Variants in BRINP3 observed in about 807,000 individuals in gnomAD.
BRINP3 encodes the protein BMP/retinoic acid-inducible neural-specific protein 3.
Under a neutral mutation model 71.0 loss-of-function variants are expected in BRINP3, and 19 were observed. The observed-to-expected ratio is 0.27, with a 90% CI of 0.19 to 0.39. The LOEUF (loss-of-function observed/expected upper bound fraction) is 0.39, where lower values mean the gene tolerates loss of function less well. BRINP3 is among the 10% of genes least tolerant of loss of function. BRINP3 has a pLI of 1.00. For synonymous variants in BRINP3, 380 were observed against 337.7 expected (o/e 1.13, Z -1.37); for missense variants, 959 against 940.8 (o/e 1.02, Z -0.25).
At chr1:190,437,806 A>T (rs947419087) in intron 2 of BRINP3, among the ~76,000 whole-genome samples, 2 of 151,852 alleles carry the variant, frequency 1.3e-5, no homozygotes, top group African/African-American at 4.8e-5. Flanking sequence ...ATGGAAATGC[A>T]ATTAATCCAT....
At chr1:190,225,411 T>A (rs567310310) in intron 6 of BRINP3, among the ~76,000 whole-genome samples, 1 of 151,920 alleles carries the variant, frequency 6.6e-6, no homozygotes, top group African/African-American at 2.4e-5. Flanking sequence ...TTCCCACTCA[T>A]ATGTGGAAGC....
At position 190,265,100 on chromosome 1, in the gene BRINP3, CT is replaced by C. The variant is rs748536139; in HGVS notation, c.428-46del. The C allele has an allele frequency of 5.7e-4, 862 of 1,505,596 alleles. 1 individual carries two copies. The highest frequency in any genetic ancestry group is 1.0e-3 in the Middle Eastern group (6 of 5,776). 93.3% of individuals were successfully genotyped at this position (1,505,596 alleles called of 1,614,324 possible). A position where few individuals can be genotyped will look rare whatever the true frequency, so the allele number is the denominator to read the frequency against. On this transcript the variant is annotated intron_variant, in intron 3 of 7. Coordinates refer to ENST00000367462, the MANE Select transcript of BRINP3 (RefSeq NM_199051.3). ...AATTATTCAATTTTCCACTTAAAAT[CT>C]TTTTTTTTAACTTATCTGCAGGTGG...
chr1:190,337,703 T>A (rs1205424540), intron 2 of BRINP3, among the ~76,000 whole-genome samples: 1 of 152,126 alleles, frequency 6.6e-6, no homozygotes, highest in Non-Finnish European at 1.5e-5. Flanking sequence ...GGACTCAGAC[T>A]GCAGATGGCC....
intron 7 of BRINP3, among the ~76,000 whole-genome samples, chr1:190,127,984 T>G (rs1654227262): frequency 6.6e-6 from 1 of 151,746 alleles, no homozygotes; most frequent in South Asian, 2.1e-4. Flanking sequence ...TGAGTCAAAT[T>G]TCTTGGTCCA....
At chr1:190,398,423 C>A (rs1671718323) in intron 2 of BRINP3, among the ~76,000 whole-genome samples, 1 of 151,672 alleles carries the variant, frequency 6.6e-6, no homozygotes, top group African/African-American at 2.4e-5. Flanking sequence ...AAAAGGTAAC[C>A]TAATTTTATA....
rs180688368 is a variant in BRINP3, at chr1:190,251,254, T to G, written c.618+13611A>C. Among the ~76,000 whole-genome samples the G allele has an allele frequency of 2.5e-4, 38 of 152,078 alleles. No homozygotes were observed. In the East Asian group the frequency reaches 4.8e-3, roughly 19 times the overall value. Reference sequence around the variant, plus strand: ...TTGCTTGAACTTGTACTTATAACTATGAGCATAATTTTTAAAAATAACATT... The same window carrying G: ...TTGCTTGAACTTGTACTTATAACTAGGAGCATAATTTTTAAAAATAACATT... On this transcript the variant is annotated intron_variant, in intron 4 of 7. Transcript: ENST00000367462.
intron 7 of BRINP3, among the ~76,000 whole-genome samples, chr1:190,138,364 A>AAC (rs1191513275): frequency 6.6e-6 from 1 of 152,140 alleles, no homozygotes; most frequent in Admixed American, 6.5e-5. Context: ...GTTACACATG[A>AAC]TTTGAGGTGA....
intron 2 of BRINP3, among the ~76,000 whole-genome samples, chr1:190,410,418 A>C (rs1253895567): frequency 6.6e-6 from 1 of 152,142 alleles, no homozygotes; most frequent in African/African-American, 2.4e-5. Context: ...TATATAAAAT[A>C]AAGGTTTCAT....
chr1:190,121,785 C>T (rs1653684140), intron 7 of BRINP3, among the ~76,000 whole-genome samples: 1 of 151,818 alleles, frequency 6.6e-6, no homozygotes, highest in South Asian at 2.1e-4. Context: ...ATTCTAACTG[C>T]CTATTACATT....
intron 2 of BRINP3, among the ~76,000 whole-genome samples, chr1:190,359,017 G>T (rs920359085): frequency 6.6e-6 from 1 of 151,980 alleles, no homozygotes; most frequent in Non-Finnish European, 1.5e-5. Flanking sequence ...GTTGTGGGGT[G>T]GGGGGAGAGG....
intron 2 of BRINP3, among the ~76,000 whole-genome samples, chr1:190,284,323 G>T (rs1457486172): frequency 1.3e-5 from 2 of 151,860 alleles, no homozygotes; most frequent in African/African-American, 4.8e-5. Context: ...GCTATTCAAA[G>T]AAAATATTGT....
At chr1:190,424,641 T>C (rs1029390971) in intron 2 of BRINP3, among the ~76,000 whole-genome samples, 1 of 151,626 alleles carries the variant, frequency 6.6e-6, no homozygotes, top group Non-Finnish European at 1.5e-5. Flanking sequence ...CTGCTGTACA[T>C]ATAAGAAAGA....
At chr1:190,234,316 G>T in intron 5 of BRINP3, 56 bp downstream of exon 5, 8 of 1,307,776 alleles carry the variant, frequency 6.1e-6, no homozygotes, top group South Asian at 1.4e-5. Context: ...AAGAAATCAC[G>T]ACTGGATAAT....
intron 4 of BRINP3, among the ~76,000 whole-genome samples, chr1:190,236,335 T>G (rs112248979): frequency 8.3e-4 from 127 of 152,116 alleles, no homozygotes; most frequent in African/African-American, 2.9e-3. Flanking sequence ...CTCTCTTTGA[T>G]GAAAATATTT....
chr1:190,129,878 ACATGGTGAACACGAATC>A (rs1474923391), intron 7 of BRINP3, among the ~76,000 whole-genome samples: 2 of 152,000 alleles, frequency 1.3e-5, no homozygotes, highest in African/African-American at 4.8e-5. Context: ...TTTTACAAGA[ACATGGTGAACACGAATC>A]CATTCTTTAG....
At chr1:190,405,594 C>G (rs1672232245) in intron 2 of BRINP3, among the ~76,000 whole-genome samples, 2 of 147,398 alleles carry the variant, frequency 1.4e-5, no homozygotes, top group Non-Finnish European at 3.0e-5. Flanking sequence ...AGCTTGGAGG[C>G]TTACCATATA....
At chr1:190,430,255 C>G (rs1256479442) in intron 2 of BRINP3, among the ~76,000 whole-genome samples, 1 of 152,026 alleles carries the variant, frequency 6.6e-6, no homozygotes, top group Non-Finnish European at 1.5e-5. Flanking sequence ...TGCCAGCAGT[C>G]AAATTTGAGA....
At chr1:190,250,264 A>G (rs897932160) in intron 4 of BRINP3, among the ~76,000 whole-genome samples, 3 of 151,992 alleles carry the variant, frequency 2.0e-5, no homozygotes, top group African/African-American at 7.2e-5. Flanking sequence ...TTGGAATTAT[A>G]TATCACATCA....
At chr1:190,186,715 C>T (rs1653559651) in intron 6 of BRINP3, among the ~76,000 whole-genome samples, 1 of 152,000 alleles carries the variant, frequency 6.6e-6, no homozygotes, top group Admixed American at 6.6e-5. Flanking sequence ...ACTCAGTTTA[C>T]TCATTTAAAA....
Sources: allele counts gnomAD v4.1 joint callset (sites outside exome capture counted in the v4.1 genomes callset), GRCh38; gene constraint gnomAD v4.1.1; transcripts MANE v1.5; gene names NCBI Gene and HGNC (gene_info 2026-07-23, HGNC 2026-07-21).